Variants in DPYSL5 observed in about 807,000 individuals in gnomAD.
DPYSL5 encodes dihydropyrimidinase like 5.
DPYSL5 carries 9 observed loss-of-function variants against 58.4 expected under a neutral mutation model. The ratio of observed to expected loss-of-function variants is 0.15; its 90% CI spans 0.09 to 0.27. DPYSL5 has a LOEUF of 0.27. Among genes scored for constraint, DPYSL5 ranks in the 10% least tolerant of loss-of-function variants. The pLI, the probability that DPYSL5 is intolerant of heterozygous loss-of-function variation, is 1.00. For missense variants in DPYSL5, 499 were observed against 770.6 expected, an observed-to-expected ratio of 0.65 and a Z score of 4.17; for synonymous variants, 293 against 301.9, an observed-to-expected ratio of 0.97 and a Z score of 0.31.
rs1665336916 is a variant in DPYSL5 at position 26,942,057 on chromosome 2, T to A, written c.1197T>A (p.Asp399Glu). The A allele has an allele frequency of 1.9e-6, 3 of 1,614,208 alleles. No individual in the cohort carries two copies. Among genetic ancestry groups the A allele is most frequent in the Non-Finnish European group, 1.7e-6 (2 of 1,180,036 alleles). ...AGGGCCGCATTATTCCCGGAGCCGATGCTGATGTGGTGGTGTGGGACCCAG... is the reference window on the plus strand; with the variant it reads ...AGGGCCGCATTATTCCCGGAGCCGAAGCTGATGTGGTGGTGTGGGACCCAG... ...PRKGRIIPGADADVVVWDPEA... is the reference protein window; with the variant it reads ...PRKGRIIPGAEADVVVWDPEA... The change falls in exon 10 of 13, where the codon GAT (aspartate) becomes GAA (glutamate). Residue 399 changes from aspartate (D) to glutamate (E), a missense_variant. Physicochemically the swap from Asp to Glu is conservative, Grantham distance 45 (BLOSUM62 2). Coordinates refer to ENST00000288699, the MANE Select transcript of DPYSL5 (RefSeq NM_020134.4). This position sits in a 1 kb window ranked among gnomAD's most constrained non-coding sequence, Gnocchi z 5.9.
chr2:26,915,292 G>A (rs1664535073), intron 2 of DPYSL5, among the ~76,000 whole-genome samples: 1 of 152,186 alleles, frequency 6.6e-6, no homozygotes, highest in Non-Finnish European at 1.5e-5. Flanking sequence ...AAGACCAGGG[G>A]ACTCCTCAGG....
At chr2:26,920,232 T>G (rs980067404) in intron 2 of DPYSL5, among the ~76,000 whole-genome samples, 10 of 152,202 alleles carry the variant, frequency 6.6e-5, no homozygotes, top group Non-Finnish European at 1.3e-4. Context: ...TGTTAACATC[T>G]GTTAAGTTTG....
At position 26,898,740 on chromosome 2, in the gene DPYSL5, G is replaced by T; in HGVS notation, c.241G>T (p.Asp81Tyr). ...QTFMNATCVD[D>Y]FYHGTKAALV... ...CTTCATGAATGCCACGTGCGTGGAC[G>T]ACTTCTACCATGGGACCAAGGTAAT... The change falls in exon 2 of 13, where the codon GAC (aspartate) becomes TAC (tyrosine). Residue 81 changes from aspartate to tyrosine, a missense_variant. Asp to Tyr is a radical substitution (Grantham distance 160). Coordinates refer to ENST00000288699, the MANE Select transcript of DPYSL5 (RefSeq NM_020134.4). This position sits in a 1 kb window ranked among gnomAD's most constrained non-coding sequence, Gnocchi z 6.1. 1 of 1,611,240 alleles carries T rather than the reference G, an allele frequency of 6.2e-7. No individual in the cohort carries two copies. Among genetic ancestry groups the T allele is most frequent in the South Asian group, 1.1e-5 (1 of 90,906 alleles).
At position 26,916,624 on chromosome 2, in the gene DPYSL5, G is replaced by A. The variant is rs1047807399; in HGVS notation, c.262-8263G>A. 8.5e-5 allele frequency among the ~76,000 whole-genome samples: 13 copies of A among 152,120 alleles called. No homozygotes were observed. The South Asian group carries it at 1.5e-3, about 17-fold the overall frequency. On this transcript the variant is annotated intron_variant, in intron 2 of 12. Transcript: ENST00000288699. ...TTCTCTGTCTTCCAACTGTGCCCCC[G>A]ACTTTGCTACACCATTTCCTACCTT... is the stretch of plus-strand genomic sequence containing the variant.
Position 26,948,713 on chromosome 2 carries a change from C to T in DPYSL5, c.*1718C>T, listed in dbSNP as rs1238010535. ...CTCTACTAAAAATACAAAAATTACC[C>T]AGGCGTGGTGGCGGGCGCCTGTAGT... On this transcript the variant is annotated 3_prime_UTR_variant, in exon 13 of 13. Coordinates refer to ENST00000288699, the MANE Select transcript of DPYSL5 (RefSeq NM_020134.4). 2 of 152,494 alleles carry T rather than the reference C, an allele frequency of 1.3e-5. No individual in the cohort carries two copies. Among genetic ancestry groups the T allele is most frequent in the Non-Finnish European group, 2.9e-5 (2 of 68,296 alleles). 9.4% of individuals were successfully genotyped at this position (152,494 alleles called of 1,614,324 possible).
At position 26,933,290 on chromosome 2, in the gene DPYSL5, C is replaced by T. The variant is rs949906335; in HGVS notation, c.747C>T (p.Ser249=). The part of the protein sequence containing the change: ...THCPIYLVNV[S]SISAGDVIAA... ...GTCCAATCTACCTGGTCAACGTGTC[C>T]AGTATCTCGGCTGGTGACGTTATCG... is the stretch of plus-strand genomic sequence containing the variant. Residue 249 remains serine (S), a synonymous_variant, in exon 7 of 13, where the codon TCC becomes TCT. Transcript: ENST00000288699. The surrounding 1 kb of genome is among the most constrained non-coding windows in gnomAD (Gnocchi z 4.2). 1 of 1,614,156 alleles carries T rather than the reference C, an allele frequency of 6.2e-7. No individual in the cohort carries two copies. Among genetic ancestry groups the T allele is most frequent in the East Asian group, 2.2e-5 (1 of 44,886 alleles).
intron 8 of DPYSL5, among the ~76,000 whole-genome samples, chr2:26,936,466 C>T (rs1665179471): frequency 6.6e-6 from 1 of 152,094 alleles, no homozygotes; most frequent in African/African-American, 2.4e-5. Context: ...TCGATAGGGG[C>T]GTGGGCGAAG....
At chr2:26,895,482 G>A (rs574241230) in intron 1 of DPYSL5, among the ~76,000 whole-genome samples, 26 of 152,106 alleles carry the variant, frequency 1.7e-4, no homozygotes, top group South Asian at 4.2e-4. Flanking sequence ...GTATGTATTT[G>A]TTGTGTGCAA....
rs574848768 is a variant in DPYSL5 at position 26,937,958 on chromosome 2, G to A, written c.948-2073G>A. The stretch of plus-strand genomic sequence containing the variant: ...TGACCTCAACTGATCCACCCGCCTC[G>A]GCCTCCCAAAATGCTGGGATTACAG... On this transcript the variant is annotated intron_variant, in intron 8 of 12. Transcript: ENST00000288699. 7.8e-4 allele frequency among the ~76,000 whole-genome samples: 119 copies of A among 151,992 alleles called. 1 individual carries two copies. Among genetic ancestry groups the A allele is most frequent in the African/African-American group, 1.4e-3 (60 of 41,464 alleles).
rs1665644254 is a variant in DPYSL5 at position 26,848,143 on chromosome 2, C to G, written c.-116C>G. 2 of 151,608 alleles carry G rather than the reference C, an allele frequency of 1.3e-5. No individual in the cohort carries two copies. The highest frequency in any genetic ancestry group is 6.6e-5 in the Admixed American group (1 of 15,228). 9.4% of individuals were successfully genotyped at this position (151,608 alleles called of 1,614,324 possible). ...GCGCTGGGCGCGCTGAGGCGGCCCC[C>G]GAGCGAGCGCGCGTGCAGCCGCCGC... On this transcript the variant is annotated 5_prime_UTR_variant, in exon 1 of 13. Transcript: ENST00000288699.
At chr2:26,931,532 G>C in intron 5 of DPYSL5, 108 bp from the exon 6 acceptor site, 2 of 1,404,254 alleles carry the variant, frequency 1.4e-6, no homozygotes, top group Non-Finnish European at 9.9e-7. Context: ...GCTTTGCCCC[G>C]AGCCAACCCC....
At chr2:26,939,848 G>A (rs1183919342) in intron 8 of DPYSL5, 183 bp from the exon 9 acceptor site, 2 of 673,664 alleles carry the variant, frequency 3.0e-6, no homozygotes, top group Non-Finnish European at 5.0e-6. Context: ...TTCTGTAGAT[G>A]AGTAAACTGA....
chr2:26,928,276 T>C lies in DPYSL5; in HGVS notation c.622T>C (p.Leu208=). ...CCAGGGTGCTAAGGAGGCACTGGAT[T>C]TGGGGATCACAGGCCCAGAAGGAAT... ...VAEGAKEALD[L]GITGPEGIEI... Residue 208 remains leucine (L), a synonymous_variant, in exon 5 of 13, where the codon TTG becomes CTG. Coordinates refer to ENST00000288699, the MANE Select transcript of DPYSL5 (RefSeq NM_020134.4). 4 of 1,613,988 alleles carry C rather than the reference T, an allele frequency of 2.5e-6. No homozygotes were observed. Among genetic ancestry groups the C allele is most frequent in the Non-Finnish European group, 3.4e-6 (4 of 1,179,962 alleles).
chr2:26,861,490 A>G (rs1666015255), intron 1 of DPYSL5, among the ~76,000 whole-genome samples: 1 of 152,174 alleles, frequency 6.6e-6, no homozygotes, highest in African/African-American at 2.4e-5. Context: ...GTCTAAAAGA[A>G]CTTTAGAGAA....
At chr2:26,921,693 G>A (rs184731801) in intron 2 of DPYSL5, among the ~76,000 whole-genome samples, 154 of 152,302 alleles carry the variant, frequency 1.0e-3, no homozygotes, top group African/African-American at 3.5e-3. Context: ...GTGGGCTTGC[G>A]AGCCTGCAGC....
intron 1 of DPYSL5, among the ~76,000 whole-genome samples, chr2:26,882,100 A>G (rs943208769): frequency 4.0e-5 from 6 of 151,444 alleles, no homozygotes; most frequent in Non-Finnish European, 8.9e-5. Context: ...CAAAAAAAAA[A>G]AAAAAAAAAA....
chr2:26,899,724 C>T (rs1178138754), intron 2 of DPYSL5, among the ~76,000 whole-genome samples: 2 of 152,150 alleles, frequency 1.3e-5, no homozygotes, highest in Non-Finnish European at 2.9e-5. Flanking sequence ...CCTTGGAAGG[C>T]TGGGCTATGA....
chr2:26,865,104 GA>G (rs1281130927), intron 1 of DPYSL5, among the ~76,000 whole-genome samples: 1 of 152,114 alleles, frequency 6.6e-6, no homozygotes, highest in Non-Finnish European at 1.5e-5. Flanking sequence ...ATTTAAATAA[GA>G]AAACTGTGTG....
intron 2 of DPYSL5, among the ~76,000 whole-genome samples, chr2:26,913,293 A>G (rs1018146051): frequency 6.6e-6 from 1 of 152,230 alleles, no homozygotes; most frequent in African/African-American, 2.4e-5. Context: ...GTCCCTGGCA[A>G]TCACCATCTT....
Sources: gnomAD v4.1 joint callset for allele counts (sites outside exome capture counted in the v4.1 genomes callset) on GRCh38, gnomAD v4.1.1 for gene constraint, Gnocchi (gnomAD v3.1) non-coding constraint, MANE v1.5 for transcripts, NCBI Gene and HGNC (gene_info 2026-07-23, HGNC 2026-07-21) for gene names.